MROH9: variants seen among roughly 807,000 people sequenced by gnomAD.
MROH9 encodes maestro heat-like repeat-containing protein family member 9.
A neutral mutation model predicts 98.2 loss-of-function variants in MROH9; 92 were observed. The observed-to-expected ratio is 0.94, with a 90% CI of 0.79 to 1.11. MROH9 has a LOEUF of 1.11. Among genes scored for constraint, MROH9 ranks in the 50% most tolerant of loss-of-function variants. The pLI is 0.00. For missense variants in MROH9, 1,057 were observed against 1,014.8 expected, an observed-to-expected ratio of 1.04 and a Z score of -0.57; for synonymous variants, 397 against 368.9, an observed-to-expected ratio of 1.08 and a Z score of -0.87.
At chr1:170,987,357 A>T (rs1651180597) in intron 10 of MROH9, among the ~76,000 whole-genome samples, 1 of 152,184 alleles carries the variant, frequency 6.6e-6, no homozygotes, top group South Asian at 2.1e-4. Context: ...GATTTCAAAG[A>T]CTCTCAGCTT....
At chr1:171,052,666 G>A (rs1414534252) in intron 20 of MROH9, among the ~76,000 whole-genome samples, 2 of 152,150 alleles carry the variant, frequency 1.3e-5, no homozygotes, top group Non-Finnish European at 2.9e-5. Context: ...AATCACTACT[G>A]CCCACGGAAT....
chr1:171,007,070 T>C (rs900842973), intron 15 of MROH9, among the ~76,000 whole-genome samples: 4 of 152,218 alleles, frequency 2.6e-5, no homozygotes, highest in African/African-American at 9.7e-5. Context: ...TTCTGTGTAT[T>C]TGAAAATGCA....
intron 7 of MROH9, among the ~76,000 whole-genome samples, chr1:170,967,597 C>A (rs1650282714): frequency 6.6e-6 from 1 of 152,112 alleles, no homozygotes; most frequent in African/African-American, 2.4e-5. Flanking sequence ...ACTTTTTTCT[C>A]CATAATAACC....
At chr1:170,987,220 C>T (rs1423324774) in intron 10 of MROH9, among the ~76,000 whole-genome samples, 1 of 152,152 alleles carries the variant, frequency 6.6e-6, no homozygotes. Flanking sequence ...GTAATGAATG[C>T]TTATCCACCA....
At chr1:170,986,752 C>T in intron 10 of MROH9, 42 bp downstream of exon 10, 1 of 1,584,284 alleles carries the variant, frequency 6.3e-7, no homozygotes, top group Non-Finnish European at 8.6e-7. Flanking sequence ...AGGGTTTACT[C>T]TCTAATGTGC....
chr1:170,945,632 G>T, intron 2 of MROH9, 51 bp downstream of exon 2: 1 of 1,508,910 alleles, frequency 6.6e-7, no homozygotes. Flanking sequence ...TTGTGTATAT[G>T]TGTGTGTATG....
intron 15 of MROH9, among the ~76,000 whole-genome samples, chr1:171,011,882 GTTTT>G (rs11462656): frequency 6.6e-6 from 1 of 150,798 alleles, no homozygotes; most frequent in African/African-American, 2.4e-5. Context: ...TAATTCTATT[GTTTT>G]TTTTGTTTCC....
At chr1:170,952,578 C>G (rs1338948986) in intron 3 of MROH9, among the ~76,000 whole-genome samples, 1 of 131,948 alleles carries the variant, frequency 7.6e-6, no homozygotes, top group African/African-American at 2.9e-5. Context: ...GGAAGCGGAA[C>G]ATCACACACT....
rs1245801479 is a variant in MROH9, at chr1:171,064,305, G to A, written c.2551G>A (p.Asp851Asn). 2 of 1,545,232 alleles carry A rather than the reference G, an allele frequency of 1.3e-6. No individual in the cohort carries two copies. Among genetic ancestry groups the A allele is most frequent in the African/African-American group, 2.8e-5 (2 of 72,434 alleles). ...SPNGQIDSPT[D>N]SKDVKNDKAL The stretch of plus-strand genomic sequence containing the variant: ...CAATGGCCAGATAGACAGTCCTACA[G>A]ACAGTAAAGATGTCAAGAATGATAA... The change falls in exon 22 of 22, where the codon GAC (aspartate) becomes AAC (asparagine). Residue 851 changes from aspartate to asparagine, a missense_variant. Coordinates refer to ENST00000367759, the MANE Select transcript of MROH9 (RefSeq NM_001163629.2).
intron 4 of MROH9, 48 bp downstream of exon 4, chr1:170,958,588 A>AGT: frequency 8.0e-7 from 1 of 1,242,760 alleles, no homozygotes; most frequent in African/African-American, 1.5e-5. Flanking sequence ...GGATGCATTT[A>AGT]AAATGTTATA....
chr1:170,999,274 A>G (rs1031132347), intron 15 of MROH9, among the ~76,000 whole-genome samples: 1 of 152,034 alleles, frequency 6.6e-6, no homozygotes, highest in Non-Finnish European at 1.5e-5. Flanking sequence ...CCTGAGCAGC[A>G]TACACTGCAC....
At chr1:170,982,917 A>T (rs915475257) in intron 8 of MROH9, among the ~76,000 whole-genome samples, 6 of 152,186 alleles carry the variant, frequency 3.9e-5, no homozygotes, top group Admixed American at 1.3e-4. Context: ...AAACAAAAAC[A>T]AAATCAGTAA....
Position 171,062,152 on chromosome 1 carries a change from G to A in MROH9, c.2302G>A (p.Gly768Ser). 6.5e-7 allele frequency: 1 copy of A among 1,549,638 alleles called. No individual in the cohort carries two copies. The change falls in exon 21 of 22, where the codon GGT becomes AGT. Residue 768 changes from glycine (G) to serine (S), a missense_variant. Coordinates refer to ENST00000367759, the MANE Select transcript of MROH9 (RefSeq NM_001163629.2). The stretch of plus-strand genomic sequence containing the variant: ...CATAGGATATTTGGCAAAATCAGGT[G>A]GTCATTTACTGCTTAGAGATGAAAT... ...ILIGYLAKSG[G>S]HLLLRDEIEV...
intron 20 of MROH9, among the ~76,000 whole-genome samples, chr1:171,036,679 A>G (rs577148564): frequency 2.6e-5 from 4 of 152,002 alleles, no homozygotes; most frequent in East Asian, 3.9e-4. Context: ...TAATTTATGT[A>G]TTGTCACAAA....
At chr1:170,961,367 A>G (rs182545166) in intron 5 of MROH9, among the ~76,000 whole-genome samples, 1 of 152,284 alleles carries the variant, frequency 6.6e-6, no homozygotes, top group East Asian at 1.9e-4. Flanking sequence ...TTTTATAAAT[A>G]CAGGGACAAA....
chr1:171,009,861 C>A (rs1486010932), intron 15 of MROH9, among the ~76,000 whole-genome samples: 1 of 152,206 alleles, frequency 6.6e-6, no homozygotes, highest in Non-Finnish European at 1.5e-5. Flanking sequence ...GGGGCCATGT[C>A]AAAAGGACAC....
Position 171,016,158 on chromosome 1 carries a change from TG to T in MROH9, c.1735-4del. 1 of 1,454,200 alleles carries T rather than the reference TG, an allele frequency of 6.9e-7. No individual in the cohort carries two copies. Among genetic ancestry groups the T allele is most frequent in the Non-Finnish European group, 9.1e-7 (1 of 1,099,976 alleles). 90.1% of individuals were successfully genotyped at this position (1,454,200 alleles called of 1,614,324 possible). Reference sequence around the variant, plus strand: ...AATCCCACCATTTTTTCCTTTTATATGTAGACAGAAAATGTCAGCAGTATAT... The same window carrying T: ...AATCCCACCATTTTTTCCTTTTATATTAGACAGAAAATGTCAGCAGTATAT... On this transcript the variant is annotated splice_region_variant and splice_polypyrimidine_tract_variant and intron_variant, in intron 16 of 21. Transcript: ENST00000367759.
chr1:171,019,830 G>T (rs1046490023), intron 17 of MROH9, among the ~76,000 whole-genome samples: 1 of 152,028 alleles, frequency 6.6e-6, no homozygotes, highest in African/African-American at 2.4e-5. Flanking sequence ...AAATCCAAGA[G>T]CTGGTTTGCT....
chr1:170,973,876 T>C (rs1381659412), intron 8 of MROH9, among the ~76,000 whole-genome samples: 1 of 152,164 alleles, frequency 6.6e-6, no homozygotes, highest in Non-Finnish European at 1.5e-5. Flanking sequence ...GCACAGATGA[T>C]AGAATGAGTA....
Sources: gnomAD v4.1 joint callset for allele counts (sites outside exome capture counted in the v4.1 genomes callset) on GRCh38, gnomAD v4.1.1 for gene constraint, MANE v1.5 for transcripts, NCBI Gene and HGNC (gene_info 2026-07-23, HGNC 2026-07-21) for gene names.